PTPRM: variants seen among roughly 807,000 people sequenced by gnomAD.
PTPRM encodes the protein receptor-type tyrosine-protein phosphatase mu.
In PTPRM, 47 loss-of-function variants were observed where a neutral mutation model predicts 186.7. The observed-to-expected ratio is 0.25, with a 90% confidence interval of 0.20 to 0.32. The LOEUF (loss-of-function observed/expected upper bound fraction) is 0.32. PTPRM is among the 10% of genes least tolerant of loss of function. The pLI is 1.00. For missense variants in PTPRM, 1,494 were observed against 1,865.0 expected, an observed-to-expected ratio of 0.80 and a Z score of 3.66; for synonymous variants, 668 against 674.9, an observed-to-expected ratio of 0.99 and a Z score of 0.16.
At chr18:8,179,227 A>G (rs2093536462) in intron 14 of PTPRM, among the ~76,000 whole-genome samples, 1 of 152,248 alleles carries the variant, frequency 6.6e-6, no homozygotes, top group East Asian at 1.9e-4. Flanking sequence ...TTTTCTTGCC[A>G]CAAGTTAAGA....
chr18:8,355,511 GGCTTCA>G (rs538784366), intron 23 of PTPRM, among the ~76,000 whole-genome samples: 144 of 152,116 alleles, frequency 9.5e-4, no homozygotes, highest in African/African-American at 3.3e-3. Flanking sequence ...TCAGGAATTG[GGCTTCA>G]GCTCATGAAT....
At chr18:7,698,012 C>T (rs1285907898) in intron 1 of PTPRM, among the ~76,000 whole-genome samples, 1 of 152,168 alleles carries the variant, frequency 6.6e-6, no homozygotes, top group Non-Finnish European at 1.5e-5. Flanking sequence ...GAAATGTGTA[C>T]AAATAGTTCG....
chr18:8,385,292 G>C (rs1393411992), intron 30 of PTPRM, among the ~76,000 whole-genome samples: 1 of 152,180 alleles, frequency 6.6e-6, no homozygotes, highest in Non-Finnish European at 1.5e-5. Context: ...CGAAAGTTTG[G>C]TCAAGCAAAG....
At chr18:8,144,109 A>G (rs1443866184) in intron 14 of PTPRM, among the ~76,000 whole-genome samples, 2 of 152,196 alleles carry the variant, frequency 1.3e-5, no homozygotes, top group African/African-American at 4.8e-5. Context: ...CCAACATACT[A>G]AGACATTTGG....
chr18:7,626,630 G>A (rs2038068822), intron 1 of PTPRM, among the ~76,000 whole-genome samples: 1 of 152,138 alleles, frequency 6.6e-6, no homozygotes. Context: ...CAATTTCAGT[G>A]CCCCTTGCTC....
chr18:8,083,472 A>G (rs2090259315), intron 9 of PTPRM, among the ~76,000 whole-genome samples: 1 of 151,994 alleles, frequency 6.6e-6, no homozygotes, highest in South Asian at 2.1e-4. Flanking sequence ...AGCTTAACTG[A>G]CATCTCAGTG....
At chr18:8,256,758 G>C (rs927288939) in intron 19 of PTPRM, among the ~76,000 whole-genome samples, 6 of 152,170 alleles carry the variant, frequency 3.9e-5, no homozygotes, top group Admixed American at 1.3e-4. Flanking sequence ...TGATTCTATG[G>C]ATTAAGAGTT....
rs1056187928 is a variant in PTPRM at position 8,343,457 on chromosome 18, G to T, written c.2991G>T (p.Arg997Ser). The change falls in exon 23 of 33, where the codon AGG (arginine) becomes AGT (serine). Residue 997 changes from arginine to serine, a missense_variant. Around this residue, in one of 3 missense-constraint regions of PTPRM, gnomAD observed 1,107 missense variants for 1,350.2 expected, o/e 0.82. Transcript: ENST00000580170. ...PMQETIYDFW[R>S]MVWHENTASI... ...AGGAAACCATCTATGACTTCTGGAG[G>T]ATGGTGTGGCACGAAAACACTGCAA... 7 of 1,614,014 alleles carry T rather than the reference G, an allele frequency of 4.3e-6. No homozygotes were observed. The highest frequency in any genetic ancestry group is 5.9e-6 in the Non-Finnish European group (7 of 1,179,948).
chr18:8,121,715 C>A (rs76965990), intron 13 of PTPRM: 1 of 152,058 alleles, frequency 6.6e-6, no homozygotes, highest in Non-Finnish European at 1.5e-5. Flanking sequence ...AGAAATTTTT[C>A]TACATAAAAA....
intron 4 of PTPRM, among the ~76,000 whole-genome samples, chr18:7,907,283 T>G (rs967781498): frequency 1.3e-5 from 2 of 152,248 alleles, no homozygotes; most frequent in Non-Finnish European, 2.9e-5. Context: ...GCACCTGTTA[T>G]GGTTTCTAGT....
chr18:8,227,925 T>C (rs888622411), intron 14 of PTPRM, among the ~76,000 whole-genome samples: 1 of 152,226 alleles, frequency 6.6e-6, no homozygotes, highest in Admixed American at 6.5e-5. Flanking sequence ...TTTCTTGCAC[T>C]GTCACCGGTT....
intron 14 of PTPRM, chr18:8,155,188 A>G (rs1292914539): frequency 3.3e-5 from 5 of 152,192 alleles, no homozygotes; most frequent in Admixed American, 3.3e-4. Context: ...TGTATTTTTA[A>G]CATTTTTCAT....
chr18:7,920,399 A>C (rs2050790400), intron 4 of PTPRM, among the ~76,000 whole-genome samples: 1 of 152,128 alleles, frequency 6.6e-6, no homozygotes, highest in Non-Finnish European at 1.5e-5. Flanking sequence ...AACATATCTT[A>C]TAGATATAAG....
At chr18:8,337,044 C>T (rs1252547275) in intron 22 of PTPRM, among the ~76,000 whole-genome samples, 1 of 152,038 alleles carries the variant, frequency 6.6e-6, no homozygotes, top group East Asian at 1.9e-4. Flanking sequence ...AAAAGAAAGA[C>T]TATTGCATAT....
At chr18:8,326,748 G>A (rs2095379757) in intron 22 of PTPRM, among the ~76,000 whole-genome samples, 1 of 152,156 alleles carries the variant, frequency 6.6e-6, no homozygotes, top group African/African-American at 2.4e-5. Flanking sequence ...CTAGCCATAT[G>A]CAGAAGATTG....
At chr18:7,942,851 C>G (rs768579613) in intron 5 of PTPRM, among the ~76,000 whole-genome samples, 2 of 152,106 alleles carry the variant, frequency 1.3e-5, no homozygotes, top group East Asian at 3.9e-4. Flanking sequence ...CTCATTTCTC[C>G]TCCATTAGTC....
chr18:7,966,084 T>C (rs1366241896), intron 7 of PTPRM, among the ~76,000 whole-genome samples: 3 of 152,222 alleles, frequency 2.0e-5, no homozygotes, highest in Non-Finnish European at 4.4e-5. Context: ...TGTAACACTT[T>C]TATAAATTAA....
chr18:7,930,437 G>A (rs1368219873), intron 5 of PTPRM, among the ~76,000 whole-genome samples: 1 of 152,162 alleles, frequency 6.6e-6, no homozygotes, highest in African/African-American at 2.4e-5. Flanking sequence ...TCTGCACAAA[G>A]TTTCATGGTT....
chr18:8,338,956 G>A (rs2095456999), intron 22 of PTPRM, among the ~76,000 whole-genome samples: 1 of 152,124 alleles, frequency 6.6e-6, no homozygotes, highest in Non-Finnish European at 1.5e-5. Context: ...TTTTATAGAT[G>A]TAGGGGTACA....
Sources: allele counts gnomAD v4.1 joint callset (sites outside exome capture counted in the v4.1 genomes callset), GRCh38; gene constraint gnomAD v4.1.1; regional missense constraint gnomAD v4.1.1; transcripts MANE v1.5; gene names NCBI Gene and HGNC (gene_info 2026-07-23, HGNC 2026-07-21).